SMYD3: variants seen among roughly 807,000 people sequenced by gnomAD.
SMYD3 encodes histone-lysine N-methyltransferase SMYD3.
SMYD3 carries 36 observed loss-of-function variants against 57.7 expected under a neutral mutation model. That is an observed-to-expected ratio of 0.62 (90% CI 0.48 to 0.82). SMYD3 has a LOEUF of 0.82. SMYD3 is among the 40% of genes least tolerant of loss of function. The pLI, the probability that SMYD3 is intolerant of heterozygous loss-of-function variation, is 0.00. For synonymous variants in SMYD3, 211 were observed against 195.0 expected, an observed-to-expected ratio of 1.08 and a Z score of -0.68; for missense variants, 515 against 538.8, an observed-to-expected ratio of 0.96 and a Z score of 0.44.
At chr1:246,488,416 G>T (rs1365820716) in intron 1 of SMYD3, among the ~76,000 whole-genome samples, 2 of 152,204 alleles carry the variant, frequency 1.3e-5, no homozygotes, top group East Asian at 3.9e-4. Flanking sequence ...TAGGCTGGGC[G>T]TGGTGGCTCA....
intron 10 of SMYD3, among the ~76,000 whole-genome samples, chr1:245,786,712 A>T (rs989476200): frequency 3.6e-5 from 5 of 140,552 alleles, no homozygotes; most frequent in Non-Finnish European, 7.8e-5. Context: ...TTCATCCCTT[A>T]AAAAAAAAAA....
chr1:246,022,696 A>G (rs2059494686), intron 5 of SMYD3, among the ~76,000 whole-genome samples: 1 of 152,248 alleles, frequency 6.6e-6, no homozygotes. Flanking sequence ...GATGGGTATA[A>G]CTAATATAAC....
intron 1 of SMYD3, among the ~76,000 whole-genome samples, chr1:246,430,752 TA>T (rs1294866322): frequency 6.6e-6 from 1 of 152,040 alleles, no homozygotes; most frequent in Non-Finnish European, 1.5e-5. Flanking sequence ...AGTTATGAAA[TA>T]AATGACATTT....
chr1:246,487,183 C>T (rs1199178861), intron 1 of SMYD3, among the ~76,000 whole-genome samples: 5 of 134,568 alleles, frequency 3.7e-5, no homozygotes, highest in Admixed American at 3.2e-4. Context: ...CATGGTAGCT[C>T]ACGCCTGTAA....
chr1:246,240,728 G>A (rs2063594363), intron 5 of SMYD3, among the ~76,000 whole-genome samples: 1 of 152,212 alleles, frequency 6.6e-6, no homozygotes, highest in Admixed American at 6.5e-5. Context: ...CATGAGCATG[G>A]AATGTTCTTC....
chr1:245,883,300 A>AGAC (rs2052897565), intron 8 of SMYD3, among the ~76,000 whole-genome samples: 1 of 152,228 alleles, frequency 6.6e-6, no homozygotes, highest in African/African-American at 2.4e-5. Flanking sequence ...TATGTAAAGT[A>AGAC]GACTCCCAGC....
chr1:246,182,771 C>T (rs1338540692), intron 5 of SMYD3, among the ~76,000 whole-genome samples: 2 of 152,196 alleles, frequency 1.3e-5, no homozygotes, highest in East Asian at 3.8e-4. Flanking sequence ...GGAAGTAAGA[C>T]TCAGGAGGCC....
intron 5 of SMYD3, among the ~76,000 whole-genome samples, chr1:246,125,050 C>T (rs372815507): frequency 1.4e-3 from 164 of 116,892 alleles, no homozygotes; most frequent in African/African-American, 5.3e-3. Context: ...CCAGCCTGGG[C>T]GACAGAGCGA....
chr1:246,284,724 T>C (rs1337749936), intron 5 of SMYD3, among the ~76,000 whole-genome samples: 1 of 152,156 alleles, frequency 6.6e-6, no homozygotes, highest in Non-Finnish European at 1.5e-5. Flanking sequence ...CCTCTAATTC[T>C]TTTATTTTTC....
intron 5 of SMYD3, among the ~76,000 whole-genome samples, chr1:246,178,505 A>G (rs1231765795): frequency 6.6e-6 from 1 of 152,142 alleles, no homozygotes; most frequent in Non-Finnish European, 1.5e-5. Context: ...TGCTTTGTGG[A>G]AGTATTTTCA....
intron 5 of SMYD3, among the ~76,000 whole-genome samples, chr1:246,254,164 CCAGT>C (rs1486581822): frequency 2.0e-5 from 3 of 152,146 alleles, no homozygotes; most frequent in Non-Finnish European, 2.9e-5. Context: ...TTAGGTCCCA[CCAGT>C]CAATTTTTAC....
chr1:246,194,576 A>T (rs1572193959), intron 5 of SMYD3, among the ~76,000 whole-genome samples: 1 of 152,156 alleles, frequency 6.6e-6, no homozygotes. Context: ...TGCATGCCAC[A>T]GTTTTTCACA....
intron 5 of SMYD3, among the ~76,000 whole-genome samples, chr1:246,300,036 T>G (rs1308814118): frequency 6.6e-6 from 1 of 151,810 alleles, no homozygotes; most frequent in Non-Finnish European, 1.5e-5. Flanking sequence ...AAAAAAAAGT[T>G]AACAAAGTTT....
At chr1:246,435,152 G>C (rs1019316354) in intron 1 of SMYD3, among the ~76,000 whole-genome samples, 1 of 152,126 alleles carries the variant, frequency 6.6e-6, no homozygotes, top group Non-Finnish European at 1.5e-5. Flanking sequence ...ATAGACACTG[G>C]TGACTATTAA....
chr1:246,071,403 A>G (rs2060440530), intron 5 of SMYD3, among the ~76,000 whole-genome samples: 1 of 152,240 alleles, frequency 6.6e-6, no homozygotes, highest in East Asian at 1.9e-4. Context: ...AATGTTTTAA[A>G]TTATTTAAAA....
intron 8 of SMYD3, among the ~76,000 whole-genome samples, chr1:245,906,331 AC>A (rs2054561553): frequency 6.6e-6 from 1 of 152,234 alleles, no homozygotes; most frequent in African/African-American, 2.4e-5. Context: ...CAAAAGACGG[AC>A]AAAAGATTTG....
chr1:246,407,840 AAAATAAAT>A (rs34670186), intron 1 of SMYD3, among the ~76,000 whole-genome samples: 8 of 147,100 alleles, frequency 5.4e-5, no homozygotes, highest in South Asian at 2.2e-4. Context: ...ACTCCGTCTC[AAAATAAAT>A]AAATAAATAA....
At chr1:246,067,073 T>C (rs895775829) in intron 5 of SMYD3, among the ~76,000 whole-genome samples, 4 of 152,188 alleles carry the variant, frequency 2.6e-5, no homozygotes, top group African/African-American at 4.8e-5. Flanking sequence ...TAGAGTCCTT[T>C]TGAAGTCACG....
chr1:245,752,011 T>C (rs1488379060), intron 11 of SMYD3, among the ~76,000 whole-genome samples: 1 of 152,218 alleles, frequency 6.6e-6, no homozygotes, highest in East Asian at 1.9e-4. Flanking sequence ...TTCTCTTTTC[T>C]CCACACTGCC....
Sources: allele counts gnomAD v4.1 joint callset (sites outside exome capture counted in the v4.1 genomes callset), GRCh38; gene constraint gnomAD v4.1.1; transcripts MANE v1.5; gene names NCBI Gene and HGNC (gene_info 2026-07-23, HGNC 2026-07-21).